The following GRB14 variants were observed in gnomAD, a reference collection of about 807,000 sequenced individuals.
GRB14 encodes growth factor receptor bound protein 14.
In GRB14, 38 loss-of-function variants were observed where a neutral mutation model predicts 69.1. That is an observed-to-expected ratio of 0.55 (90% CI 0.42 to 0.72). GRB14 has a LOEUF of 0.72. GRB14 is among the 30% of genes least tolerant of loss of function. GRB14 has a pLI of 0.00. For synonymous variants in GRB14, 247 were observed against 241.3 expected (o/e 1.02, Z -0.22); for missense variants, 666 against 666.1 (o/e 1.00, Z 0.00).
In GRB14 at chr2:164,527,095, T is replaced by C; in HGVS notation, c.522A>G (p.Leu174=). The change falls in exon 4 of 14, where the codon CTA becomes CTG. Residue 174 remains leucine (L), a synonymous_variant. Coordinates refer to ENST00000263915, the MANE Select transcript of GRB14 (RefSeq NM_004490.3). ...TTTCTTCTTCTATCCCCCAGTTGGA[T>C]AGCACTTCAATCACCAGTTCGTGGT... ...IEDHELVIEV[L]SNWGIEEENK... 1 of 1,587,372 alleles carries C rather than the reference T, an allele frequency of 6.3e-7. No homozygotes were observed. Among genetic ancestry groups the C allele is most frequent in the East Asian group, 2.3e-5 (1 of 44,050 alleles).
At chr2:164,594,257 T>C (rs1232816891) in intron 2 of GRB14, among the ~76,000 whole-genome samples, 2 of 152,322 alleles carry the variant, frequency 1.3e-5, no homozygotes, top group Non-Finnish European at 2.9e-5. Flanking sequence ...GTATTTGCCC[T>C]GGATGCAGGA....
At chr2:164,565,544 T>C (rs1312522715) in intron 2 of GRB14, among the ~76,000 whole-genome samples, 1 of 152,174 alleles carries the variant, frequency 6.6e-6, no homozygotes, top group Non-Finnish European at 1.5e-5. Flanking sequence ...CCACTGACCT[T>C]CTGGGTGACC....
intron 2 of GRB14, among the ~76,000 whole-genome samples, chr2:164,561,953 GA>G (rs1328626030): frequency 6.6e-6 from 1 of 152,138 alleles, no homozygotes; most frequent in Non-Finnish European, 1.5e-5. Flanking sequence ...CATCCCAAAA[GA>G]TGAGAAACTT....
chr2:164,549,109 A>C (rs1489056353), intron 2 of GRB14, among the ~76,000 whole-genome samples: 3 of 151,870 alleles, frequency 2.0e-5, no homozygotes, highest in African/African-American at 7.3e-5. Flanking sequence ...TCGAACTCTG[A>C]CCTCAGGTGA....
chr2:164,514,223 C>T (rs1337361829), intron 6 of GRB14, among the ~76,000 whole-genome samples: 8 of 152,142 alleles, frequency 5.3e-5, no homozygotes, highest in Admixed American at 5.2e-4. Context: ...CTTGCAGCTC[C>T]CACTCTGCGG....
At chr2:164,553,806 A>C (rs551250684) in intron 2 of GRB14, among the ~76,000 whole-genome samples, 244 of 152,214 alleles carry the variant, frequency 1.6e-3, no homozygotes, top group South Asian at 7.1e-3. Flanking sequence ...CTCTACTAAA[A>C]ATACAATATT....
intron 2 of GRB14, among the ~76,000 whole-genome samples, chr2:164,585,724 AAAAT>A (rs890882441): frequency 6.6e-6 from 1 of 152,224 alleles, no homozygotes; most frequent in Non-Finnish European, 1.5e-5. Flanking sequence ...TAAAGCTGAA[AAAAT>A]AAATAAATAT....
Position 164,523,787 on chromosome 2 carries a change from ATC to A in GRB14, c.678+1215_678+1216del, listed in dbSNP as rs143327727. ...AGAGGTCAGGGGCACATGCAGGACTATCTGATTCCAAAGCCTGTGATTTTTCT... is the reference window on the plus strand; with the variant it reads ...AGAGGTCAGGGGCACATGCAGGACTATGATTCCAAAGCCTGTGATTTTTCT... On this transcript the variant is annotated intron_variant, in intron 5 of 13. Transcript: ENST00000263915. Among the ~76,000 whole-genome samples the A allele has an allele frequency of 1.2e-4, 19 of 152,226 alleles. No homozygotes were observed. The East Asian group carries it at 3.7e-3, about 29-fold the overall frequency.
At chr2:164,497,118 T>C in intron 11 of GRB14, 23 bp from the exon 12 acceptor site, 3 of 1,608,136 alleles carry the variant, frequency 1.9e-6, no homozygotes, top group Non-Finnish European at 2.6e-6. Context: ...GATGGATGAA[T>C]GCAAAGCTTT....
chr2:164,573,471 C>G (rs1334634480), intron 2 of GRB14, among the ~76,000 whole-genome samples: 1 of 152,158 alleles, frequency 6.6e-6, no homozygotes, highest in African/African-American at 2.4e-5. Flanking sequence ...AGTGTGAACA[C>G]TAAATCTAAA....
At chr2:164,521,644 A>G (rs934398261) in intron 6 of GRB14, among the ~76,000 whole-genome samples, 25 of 152,094 alleles carry the variant, frequency 1.6e-4, no homozygotes, top group African/African-American at 5.3e-4. Flanking sequence ...CAGCAGTATG[A>G]CCTGGGGTAA....
chr2:164,508,777 GTT>G lies in GRB14; in HGVS notation c.890_891del (p.Lys297ThrfsTer6). On this transcript the variant is annotated frameshift_variant, in exon 7 of 14. Transcript: ENST00000263915. LOFTEE classifies it high-confidence loss of function. Reference protein sequence around the residue: ...DIYVSLAGKKKHGAPTNYGFC... With the variant: ...DIYVSLAGKKXHGAPTNYGFC... ...AATCCATAGTTAGTCGGTGCTCCAT[GTT>G]TTTTTTTGCCTGCCAGTGACACATA... 7.1e-6 allele frequency: 11 copies of G among 1,553,724 alleles called. No individual in the cohort carries two copies. In the Admixed American group the frequency reaches 7.5e-5, roughly 11 times the overall value.
At chr2:164,600,164 CAT>C (rs1475627376) in intron 2 of GRB14, among the ~76,000 whole-genome samples, 8 of 152,156 alleles carry the variant, frequency 5.3e-5, no homozygotes, top group East Asian at 1.9e-4. Context: ...ACAGACAAAA[CAT>C]ATTTAAACAG....
At chr2:164,499,639 T>C (rs574642174) in intron 9 of GRB14, among the ~76,000 whole-genome samples, 58 of 152,284 alleles carry the variant, frequency 3.8e-4, no homozygotes, top group Non-Finnish European at 6.6e-4. Flanking sequence ...TTTAATGGCA[T>C]GACTTTCTTT....
At chr2:164,581,366 A>G (rs1284025983) in intron 2 of GRB14, among the ~76,000 whole-genome samples, 1 of 152,198 alleles carries the variant, frequency 6.6e-6, no homozygotes, top group Non-Finnish European at 1.5e-5. Flanking sequence ...AGGGGGTTCC[A>G]ACGTAGTCAC....
intron 2 of GRB14, among the ~76,000 whole-genome samples, chr2:164,549,796 G>A (rs190269148): frequency 6.5e-4 from 99 of 151,706 alleles, no homozygotes; most frequent in African/African-American, 2.0e-3. Flanking sequence ...CCTGGGAGGC[G>A]GAGGTTGCAG....
At chr2:164,579,503 A>ACG (rs1559059737) in intron 2 of GRB14, among the ~76,000 whole-genome samples, 729 of 25,740 alleles carry the variant, frequency 0.028, 6 homozygotes, top group African/African-American at 0.11. Context: ...GCACACTTGC[A>ACG]CACACACACA....
rs144494309 is a variant in GRB14, at chr2:164,581,380, G to C, written c.325-33564C>G. Among the ~76,000 whole-genome samples, 742 of 152,148 alleles carry C rather than the reference G, an allele frequency of 4.9e-3. 3 individuals carry two copies. The highest frequency in any genetic ancestry group is 8.1e-3 in the Non-Finnish European group (552 of 67,998). On this transcript the variant is annotated intron_variant, in intron 2 of 13. Transcript: ENST00000263915. ...CAGGGGGTTCCAACGTAGTCACAAGGGTCCTTAAAAGAGAGAGAAAGAGGA... is the reference window on the plus strand; with the variant it reads ...CAGGGGGTTCCAACGTAGTCACAAGCGTCCTTAAAAGAGAGAGAAAGAGGA...
In GRB14 at chr2:164,508,802, A is replaced by G. The variant is rs1687262029; in HGVS notation, c.867T>C (p.Tyr289=). The change falls in exon 7 of 14, where the codon TAT becomes TAC. Residue 289 remains tyrosine, a synonymous_variant. Transcript: ENST00000263915. ...GTTTTTTTTTGCCTGCCAGTGACAC[A>G]TAAATATCACTATTGCCAAATTCGC... The part of the protein sequence containing the change: ...FFSEFGNSDI[Y]VSLAGKKKHG... 1 of 1,590,810 alleles carries G rather than the reference A, an allele frequency of 6.3e-7. No homozygotes were observed. The highest frequency in any genetic ancestry group is 1.4e-5 in the African/African-American group (1 of 73,256).
Sources: gnomAD v4.1 joint callset for allele counts (sites outside exome capture counted in the v4.1 genomes callset) on GRCh38, gnomAD v4.1.1 for gene constraint, MANE v1.5 for transcripts, NCBI Gene and HGNC (gene_info 2026-07-23, HGNC 2026-07-21) for gene names.